TUBB8: variants seen among roughly 807,000 people sequenced by gnomAD.
TUBB8 encodes the protein tubulin beta 8 class VIII.
TUBB8 carries 25 observed loss-of-function variants against 33.7 expected under a neutral mutation model. The ratio of observed to expected loss-of-function variants is 0.74; its 90% CI spans 0.54 to 1.04. The LOEUF is 1.04. TUBB8 is among the 50% of genes least tolerant of loss of function. The pLI, the probability that TUBB8 is intolerant of heterozygous loss-of-function variation, is 0.00. For synonymous variants in TUBB8, 245 were observed against 240.1 expected (o/e 1.02, Z -0.19); for missense variants, 279 against 608.0 (o/e 0.46, Z 5.69).
chr10:74,625 C>CAAAAAAAAAAAAAA (rs35723619), upstream of TUBB8, among the ~76,000 whole-genome samples: 6 of 89,672 alleles, frequency 6.7e-5, no homozygotes, highest in African/African-American at 1.8e-4. Context: ...GACTCAGTAT[C>CAAAAAAAAAAAAAA]AAAAAAAAAA....
rs186366312 is a variant in TUBB8, at chr10:54,858, A to C, written c.-845-4625T>G. ...ACTGCAACCTCCACCTCCTGGGTTC[A>C]AGCAATTCTCTGCCTCAGCCTCTTG... On this transcript the variant is annotated intron_variant, in intron 1 of 3. Transcript: ENST00000564130. Among the ~76,000 whole-genome samples the C allele has an allele frequency of 1.2e-4, 19 of 152,332 alleles. No individual in the cohort carries two copies. The East Asian group carries it at 3.7e-3, about 29-fold the overall frequency.
chr10:54,473 G>T (rs1554739957), intron 1 of TUBB8, among the ~76,000 whole-genome samples: 1 of 151,234 alleles, frequency 6.6e-6, no homozygotes, highest in African/African-American at 2.4e-5. Context: ...CCAAATCTTG[G>T]CTATTAGCAA....
At chr10:50,508 G>C (rs1265357638), upstream of TUBB8, among the ~76,000 whole-genome samples, 4 of 151,928 alleles carry the variant, frequency 2.6e-5, no homozygotes, top group Non-Finnish European at 4.4e-5. Flanking sequence ...ATCTACAAGG[G>C]CATTTCCTTT....
At chr10:61,990 G>C (rs1279135008) in intron 1 of TUBB8, among the ~76,000 whole-genome samples, 1 of 90,902 alleles carries the variant, frequency 1.1e-5, no homozygotes, top group East Asian at 2.3e-4. Flanking sequence ...TATCTTTATA[G>C]GTAAAGTATT....
Position 64,607 on chromosome 10 carries a change from C to G in TUBB8, c.-846+9362G>C, listed in dbSNP as rs544135829. Reference sequence around the variant, plus strand: ...CCCTAAATCAAACTCTAAGCAAACCCTAACACACTAGGCACACAAGAACAG... The same window carrying G: ...CCCTAAATCAAACTCTAAGCAAACCGTAACACACTAGGCACACAAGAACAG... On this transcript the variant is annotated intron_variant, in intron 1 of 3. Transcript: ENST00000564130. Among the ~76,000 whole-genome samples, 14 of 152,302 alleles carry G rather than the reference C, an allele frequency of 9.2e-5. No individual in the cohort carries two copies. The East Asian group carries it at 2.7e-3, about 29-fold the overall frequency.
At chr10:54,052 A>G (rs1336230168), upstream of TUBB8, among the ~76,000 whole-genome samples, 1 of 152,242 alleles carries the variant, frequency 6.6e-6, no homozygotes, top group Non-Finnish European at 1.5e-5. Flanking sequence ...CAATCCAATT[A>G]TACTATTTTA....
chr10:76,197 C>T (rs1834812259), upstream of TUBB8, among the ~76,000 whole-genome samples: 1 of 151,874 alleles, frequency 6.6e-6, no homozygotes, highest in South Asian at 2.1e-4. Context: ...TTTCCTCGGC[C>T]TCAGGCTGTG....
intron 1 of TUBB8, 56 bp from the exon 2 acceptor site, chr10:48,968 G>A: frequency 7.4e-7 from 1 of 1,347,612 alleles, no homozygotes; most frequent in Non-Finnish European, 1.0e-6. Context: ...AGGCGCCCCA[G>A]CCGCTCTCCC....
intron 1 of TUBB8, among the ~76,000 whole-genome samples, chr10:63,606 T>C (rs559481404): frequency 1.3e-5 from 2 of 152,368 alleles, no homozygotes; most frequent in African/African-American, 4.8e-5. Flanking sequence ...GTATGATAAT[T>C]GCATTTTAAC....
At chr10:64,687 A>G (rs1437536598) in intron 1 of TUBB8, among the ~76,000 whole-genome samples, 1 of 152,202 alleles carries the variant, frequency 6.6e-6, no homozygotes, top group African/African-American at 2.4e-5. Context: ...TCACACATAC[A>G]CATCAACACA....
upstream of TUBB8, among the ~76,000 whole-genome samples, chr10:52,092 C>T (rs1378812177): frequency 5.9e-5 from 9 of 152,208 alleles, no homozygotes; most frequent in Non-Finnish European, 1.3e-4. Flanking sequence ...CAATGTTCCC[C>T]AGGGCCTCTA....
Position 47,939 on chromosome 10 carries a change from C to A in TUBB8, c.453G>T (p.Leu151=), listed in dbSNP as rs782443786. 6.2e-7 allele frequency: 1 copy of A among 1,606,686 alleles called. No individual in the cohort carries two copies. Among genetic ancestry groups the A allele is most frequent in the South Asian group, 1.1e-5 (1 of 90,748 alleles). ...GGTACTCCTCCCGGATCTTACTGAG[C>A]AGAAGGGTACCCATCCCAGACCCAG... ...GGTGSGMGTL[L]LSKIREEYPD... Residue 151 remains leucine (L), a synonymous_variant, in exon 4 of 4, where the codon CTG becomes CTT. Transcript: ENST00000568584.
rs1554739081 is a variant in TUBB8 at position 49,270 on chromosome 10, C to T, written c.-32G>A. On this transcript the variant is annotated 5_prime_UTR_variant, in exon 1 of 4. Coordinates refer to ENST00000568584, the MANE Select transcript of TUBB8 (RefSeq NM_177987.3). Reference sequence around the variant, plus strand: ...GGCGGGATTAGGACGGCAGGAGAAACGTGAGAAGGAGGAGCAGACGCGCAG... The same window carrying T: ...GGCGGGATTAGGACGGCAGGAGAAATGTGAGAAGGAGGAGCAGACGCGCAG... The T allele has an allele frequency of 7.0e-6, 11 of 1,572,466 alleles. No homozygotes were observed. The East Asian group carries it at 2.1e-4, about 30-fold the overall frequency.
intron 1 of TUBB8, among the ~76,000 whole-genome samples, chr10:57,800 C>T (rs1834551258): frequency 7.0e-6 from 1 of 142,196 alleles, no homozygotes; most frequent in Admixed American, 7.2e-5. Context: ...ATTGTCTTGG[C>T]TATCAACACT....
chr10:49,142 G>A lies in TUBB8; in HGVS notation c.57+40C>T, dbSNP rs375765076. Reference sequence around the variant, plus strand: ...CTGCCAACACCTTCCCCGGCCACCCGGCAGGCCCGGGCTAGGCCCTCAGAG... The same window carrying A: ...CTGCCAACACCTTCCCCGGCCACCCAGCAGGCCCGGGCTAGGCCCTCAGAG... On this transcript the variant is annotated intron_variant, in intron 1 of 3. Transcript: ENST00000568584. The A allele has an allele frequency of 1.2e-5, 19 of 1,546,504 alleles. No homozygotes were observed. In the African/African-American group the frequency reaches 1.6e-4, roughly 13 times the overall value.
In TUBB8 at chr10:48,714, C is replaced by G; in HGVS notation, c.178G>C (p.Val60Leu). Residue 60 changes from valine to leucine, a missense_variant, in exon 3 of 4, where the codon GTG becomes CTG. Around this residue, in one of 4 missense-constraint regions of TUBB8, gnomAD observed 96 missense variants for 233.7 expected, o/e 0.41. Transcript: ENST00000568584. ...AGATCCACGAGCACAGCGCGGGGCACGTACCTGCCACCTGCGTGGGGCGGG... is the reference window on the plus strand; with the variant it reads ...AGATCCACGAGCACAGCGCGGGGCAGGTACCTGCCACCTGCGTGGGGCGGG... ...YYNEASGGRYVPRAVLVDLEP... is the reference protein window; with the variant it reads ...YYNEASGGRYLPRAVLVDLEP... The G allele has an allele frequency of 6.2e-7, 1 of 1,611,610 alleles. No homozygotes were observed. The highest frequency in any genetic ancestry group is 8.5e-7 in the Non-Finnish European group (1 of 1,179,528).
At chr10:51,636 C>T (rs1554739591), upstream of TUBB8, among the ~76,000 whole-genome samples, 1 of 152,196 alleles carries the variant, frequency 6.6e-6, no homozygotes, top group East Asian at 1.9e-4. Context: ...TGGACTCTGA[C>T]AGCTAAGTAG....
At chr10:76,607 G>A (rs1187585027), upstream of TUBB8, among the ~76,000 whole-genome samples, 6 of 147,338 alleles carry the variant, frequency 4.1e-5, no homozygotes, top group Non-Finnish European at 7.5e-5. Flanking sequence ...GCCCCACGCC[G>A]CCGCCGTGCG....
intron 1 of TUBB8, among the ~76,000 whole-genome samples, chr10:68,760 C>T (rs1554741948): frequency 2.0e-5 from 3 of 152,250 alleles, no homozygotes; most frequent in Non-Finnish European, 1.5e-5. Context: ...CTAACCACCA[C>T]GTAACTCCCA....
Sources: allele counts gnomAD v4.1 joint callset (sites outside exome capture counted in the v4.1 genomes callset), GRCh38; gene constraint gnomAD v4.1.1; regional missense constraint gnomAD v4.1.1; transcripts MANE v1.5; gene names NCBI Gene and HGNC (gene_info 2026-07-23, HGNC 2026-07-21).